Variants in CDH12 observed in about 807,000 individuals in gnomAD.
The protein encoded by CDH12 is cadherin-12.
Under a neutral mutation model 74.1 loss-of-function variants are expected in CDH12, and 41 were observed. The observed-to-expected ratio is 0.55, with a 90% CI of 0.43 to 0.72. CDH12 has a LOEUF of 0.72. CDH12 is among the 30% of genes least tolerant of loss of function. CDH12 has a pLI of 0.00. For synonymous variants in CDH12, 399 were observed against 355.0 expected (o/e 1.12, Z -1.39); for missense variants, 945 against 977.2 (o/e 0.97, Z 0.44).
At chr5:21,763,123 C>G (rs370931814) in intron 12 of CDH12, among the ~76,000 whole-genome samples, 6 of 152,164 alleles carry the variant, frequency 3.9e-5, no homozygotes, top group Non-Finnish European at 1.5e-5. Flanking sequence ...CCAAAATTAA[C>G]GATGCAGATT....
intron 1 of CDH12, among the ~76,000 whole-genome samples, chr5:22,592,535 T>G (rs2126801159): frequency 6.6e-6 from 1 of 152,300 alleles, no homozygotes; most frequent in Non-Finnish European, 1.5e-5. Context: ...TTTCTCCTCC[T>G]ATTGCCATAA....
intron 6 of CDH12, among the ~76,000 whole-genome samples, chr5:21,948,654 G>A (rs887299049): frequency 5.9e-5 from 9 of 152,066 alleles, no homozygotes; most frequent in Admixed American, 5.9e-4. Flanking sequence ...GGACTGTTAG[G>A]AAGGCATGAT....
chr5:21,769,996 T>C (rs75561452), intron 11 of CDH12, among the ~76,000 whole-genome samples: 2,304 of 152,284 alleles, frequency 0.015, 63 homozygotes, highest in African/African-American at 0.05. Context: ...TTCTCAACGC[T>C]CTATGATAGC....
Position 22,105,090 on chromosome 5 carries a change from GCTTTT to G in CDH12, c.-186-26233_-186-26229del, listed in dbSNP as rs531439257. The stretch of plus-strand genomic sequence containing the variant: ...TGTCTGTCTCTGTTTCCAAATTTCT[GCTTTT>G]CTTTTCTTTTTTTTTGAGATTGAGT... On this transcript the variant is annotated intron_variant, in intron 4 of 14. Transcript: ENST00000382254. Among the ~76,000 whole-genome samples, 237 of 151,472 alleles carry G rather than the reference GCTTTT, an allele frequency of 1.6e-3. 1 individual carries two copies. The highest frequency in any genetic ancestry group is 5.2e-3 in the African/African-American group (216 of 41,302).
intron 1 of CDH12, among the ~76,000 whole-genome samples, chr5:22,528,885 C>A (rs1052837192): frequency 5.9e-5 from 9 of 151,744 alleles, no homozygotes; most frequent in East Asian, 1.9e-4. Context: ...CTAACTAGAT[C>A]AAAGAGCAAA....
chr5:22,280,248 T>C (rs1736817222), intron 3 of CDH12, among the ~76,000 whole-genome samples: 1 of 151,746 alleles, frequency 6.6e-6, no homozygotes, highest in Non-Finnish European at 1.5e-5. Flanking sequence ...TGCAAATTTG[T>C]TTGAGCCCAC....
intron 8 of CDH12, among the ~76,000 whole-genome samples, chr5:21,841,095 C>T (rs1353644160): frequency 5.3e-5 from 8 of 152,146 alleles, no homozygotes; most frequent in East Asian, 1.9e-4. Context: ...AGAAAATTTT[C>T]GCAAGCTACT....
At chr5:22,361,813 A>C (rs554884770) in intron 3 of CDH12, among the ~76,000 whole-genome samples, 30 of 152,358 alleles carry the variant, frequency 2.0e-4, no homozygotes, top group East Asian at 7.7e-4. Flanking sequence ...AAACTTGACA[A>C]AAACAAGCAA....
At chr5:22,420,981 C>G (rs1387720370) in intron 2 of CDH12, among the ~76,000 whole-genome samples, 1 of 152,078 alleles carries the variant, frequency 6.6e-6, no homozygotes, top group East Asian at 1.9e-4. Flanking sequence ...CATGATTTGG[C>G]TCTCTGCTTG....
intron 10 of CDH12, among the ~76,000 whole-genome samples, chr5:21,801,244 C>T (rs889885785): frequency 6.6e-6 from 1 of 152,166 alleles, no homozygotes; most frequent in African/African-American, 2.4e-5. Context: ...AGTGTAAAAT[C>T]TTACAAGATA....
intron 1 of CDH12, among the ~76,000 whole-genome samples, chr5:22,531,217 C>G (rs979548934): frequency 2.6e-5 from 4 of 152,068 alleles, no homozygotes; most frequent in African/African-American, 9.7e-5. Context: ...CACAATATAA[C>G]TTATACAAAA....
Position 21,975,164 on chromosome 5 carries a change from C to T in CDH12, c.453G>A (p.Gln151=). ...EPESEFIIKV[Q]DINDNEPKFL... is the part of the protein sequence containing the mutation. ...ACTTTGGCTCATTATCATTAATATC[C>T]TGCACTTTGATGATGAATTCTGATT... The change falls in exon 6 of 15, where the codon CAG becomes CAA. Residue 151 remains glutamine, a synonymous_variant. Transcript: ENST00000382254. 1 of 1,596,898 alleles carries T rather than the reference C, an allele frequency of 6.3e-7. No homozygotes were observed. Among genetic ancestry groups the T allele is most frequent in the Non-Finnish European group, 8.5e-7 (1 of 1,179,282 alleles).
In CDH12 at chr5:22,368,988, GTGTAT is replaced by G. The variant is rs377290040; in HGVS notation, c.-333+36264_-333+36268del. Among the ~76,000 whole-genome samples the G allele has an allele frequency of 3.8e-3, 574 of 152,156 alleles. 2 individuals are homozygous for G. The highest frequency in any genetic ancestry group is 0.013 in the African/African-American group (558 of 41,510). ...TACTAAAAATACAAAAATTAGCTAGGTGTATTGGTGCGCACCTGTAATCTCAGCTA... is the reference window on the plus strand; with the variant it reads ...TACTAAAAATACAAAAATTAGCTAGGTGGTGCGCACCTGTAATCTCAGCTA... On this transcript the variant is annotated intron_variant, in intron 3 of 14. Coordinates refer to ENST00000382254, the MANE Select transcript of CDH12 (RefSeq NM_004061.5).
chr5:22,489,907 C>T (rs987929555), intron 2 of CDH12, among the ~76,000 whole-genome samples: 3 of 151,850 alleles, frequency 2.0e-5, no homozygotes, highest in Non-Finnish European at 4.4e-5. Flanking sequence ...TCTTGAATTC[C>T]TGAGCTCAAG....
intron 1 of CDH12, among the ~76,000 whole-genome samples, chr5:22,810,380 A>G (rs960673058): frequency 6.6e-6 from 1 of 152,208 alleles, no homozygotes; most frequent in Admixed American, 6.5e-5. Flanking sequence ...TTGGGTTTGA[A>G]TTGCCAGTTG....
chr5:21,965,768 AT>A (rs561046821), intron 6 of CDH12, among the ~76,000 whole-genome samples: 8 of 151,956 alleles, frequency 5.3e-5, no homozygotes, highest in Non-Finnish European at 4.4e-5. Context: ...GCAATTTTCC[AT>A]TTTTTTCAGC....
At chr5:22,592,085 T>C (rs1034339836) in intron 1 of CDH12, among the ~76,000 whole-genome samples, 1 of 152,188 alleles carries the variant, frequency 6.6e-6, no homozygotes, top group Non-Finnish European at 1.5e-5. Flanking sequence ...ATTTCACTTC[T>C]TGGATTCTGC....
chr5:22,835,672 G>T (rs1328726979), intron 1 of CDH12, among the ~76,000 whole-genome samples: 1 of 152,088 alleles, frequency 6.6e-6, no homozygotes, highest in East Asian at 1.9e-4. Flanking sequence ...CTCAGCATTA[G>T]AATCCTCCAC....
chr5:22,549,145 T>G (rs1738457167), intron 1 of CDH12, among the ~76,000 whole-genome samples: 1 of 151,716 alleles, frequency 6.6e-6, no homozygotes, highest in African/African-American at 2.4e-5. Flanking sequence ...TTGTTTTTTT[T>G]GTTTTTTTGT....
Sources: allele counts gnomAD v4.1 joint callset (sites outside exome capture counted in the v4.1 genomes callset), GRCh38; gene constraint gnomAD v4.1.1; transcripts MANE v1.5; gene names NCBI Gene and HGNC (gene_info 2026-07-23, HGNC 2026-07-21).